Variants in CDH12 observed in about 807,000 individuals in gnomAD.
CDH12 encodes cadherin 12.
Under a neutral mutation model 74.1 loss-of-function variants are expected in CDH12, and 41 were observed. The ratio of observed to expected loss-of-function variants is 0.55; its 90% confidence interval spans 0.43 to 0.72. The LOEUF (loss-of-function observed/expected upper bound fraction) is 0.72, where lower values mean the gene tolerates loss of function less well. Among genes scored for constraint, CDH12 ranks in the 30% least tolerant of loss-of-function variants. The pLI is 0.00. For synonymous variants in CDH12, 399 were observed against 355.0 expected (o/e 1.12, Z -1.39); for missense variants, 945 against 977.2 (o/e 0.97, Z 0.44).
intron 6 of CDH12, among the ~76,000 whole-genome samples, chr5:21,864,829 T>C (rs1404522858): frequency 6.6e-6 from 1 of 152,148 alleles, no homozygotes; most frequent in Non-Finnish European, 1.5e-5. Flanking sequence ...TGATAGTTCT[T>C]AGAGAGTTTT....
chr5:22,809,201 A>G (rs1748988892), intron 1 of CDH12, among the ~76,000 whole-genome samples: 2 of 152,002 alleles, frequency 1.3e-5, no homozygotes, highest in Admixed American at 6.6e-5. Flanking sequence ...TATTTAAGAA[A>G]TTTTAGTTAT....
At chr5:22,546,864 A>G (rs538416286) in intron 1 of CDH12, among the ~76,000 whole-genome samples, 1 of 152,320 alleles carries the variant, frequency 6.6e-6, no homozygotes, top group East Asian at 1.9e-4. Context: ...CAGTATTACA[A>G]AAAGCCAAGC....
At chr5:22,822,060 A>G (rs1405053945) in intron 1 of CDH12, among the ~76,000 whole-genome samples, 2 of 151,992 alleles carry the variant, frequency 1.3e-5, no homozygotes, top group South Asian at 4.2e-4. Context: ...CAGAACAGAG[A>G]CCTCAGAAAT....
intron 5 of CDH12, among the ~76,000 whole-genome samples, chr5:22,059,878 T>G (rs1741064157): frequency 6.6e-6 from 1 of 152,162 alleles, no homozygotes; most frequent in Non-Finnish European, 1.5e-5. Flanking sequence ...AGTACAATTT[T>G]AGAGAGGTTT....
chr5:22,363,376 T>C (rs1740901662), intron 3 of CDH12, among the ~76,000 whole-genome samples: 1 of 152,146 alleles, frequency 6.6e-6, no homozygotes, highest in Non-Finnish European at 1.5e-5. Context: ...AGTTAATCCA[T>C]TGGGAAACAG....
chr5:22,776,514 C>G (rs1174935946), intron 1 of CDH12, among the ~76,000 whole-genome samples: 1 of 152,024 alleles, frequency 6.6e-6, no homozygotes, highest in African/African-American at 2.4e-5. Flanking sequence ...TAATTGCGTA[C>G]ACAGAGCTCT....
At chr5:22,688,265 A>G (rs1056978363) in intron 1 of CDH12, among the ~76,000 whole-genome samples, 1 of 152,186 alleles carries the variant, frequency 6.6e-6, no homozygotes, top group Non-Finnish European at 1.5e-5. Context: ...GGAAAGAAAA[A>G]TTGGGATAAT....
chr5:22,339,985 A>G (rs1229398295), intron 3 of CDH12, among the ~76,000 whole-genome samples: 2 of 152,178 alleles, frequency 1.3e-5, no homozygotes, highest in Non-Finnish European at 2.9e-5. Context: ...GTATATAAGT[A>G]CATTTCTATT....
intron 3 of CDH12, among the ~76,000 whole-genome samples, chr5:22,258,765 T>A (rs1753409079): frequency 6.6e-6 from 1 of 152,106 alleles, no homozygotes; most frequent in African/African-American, 2.4e-5. Flanking sequence ...ATTCAGTAAG[T>A]AACATGCTGT....
Position 21,796,632 on chromosome 5 carries a change from TTAAA to T in CDH12, c.1256+5531_1256+5534del, listed in dbSNP as rs1319866293. On this transcript the variant is annotated intron_variant, in intron 10 of 14. Coordinates refer to ENST00000382254, the MANE Select transcript of CDH12 (RefSeq NM_004061.5). ...TTAATTCTTTTGACATGGATTAAAA[TTAAA>T]TAATCTATTTTTTTAATTTAATAAA... Among the ~76,000 whole-genome samples, 4 of 152,036 alleles carry T rather than the reference TTAAA, an allele frequency of 2.6e-5. No individual in the cohort carries two copies. The East Asian group carries it at 7.7e-4, about 29-fold the overall frequency.
At chr5:22,033,375 T>C in intron 5 of CDH12, among the ~76,000 whole-genome samples, 1 of 152,214 alleles carries the variant, frequency 6.6e-6, no homozygotes, top group East Asian at 1.9e-4. Context: ...TTTTCCATTA[T>C]CTCAACTTTG....
intron 2 of CDH12, among the ~76,000 whole-genome samples, chr5:22,420,732 G>A (rs550754208): frequency 6.6e-6 from 1 of 152,228 alleles, no homozygotes; most frequent in South Asian, 2.1e-4. Context: ...TGTGAAGAAT[G>A]TCAATGGTAG....
intron 1 of CDH12, among the ~76,000 whole-genome samples, chr5:22,541,654 CTG>C (rs1168204674): frequency 6.6e-6 from 1 of 152,194 alleles, no homozygotes; most frequent in African/African-American, 2.4e-5. Context: ...AGGTGACATA[CTG>C]TGTTTGTGCC....
intron 1 of CDH12, among the ~76,000 whole-genome samples, chr5:22,841,495 T>C (rs1315743248): frequency 6.6e-6 from 1 of 152,130 alleles, no homozygotes; most frequent in African/African-American, 2.4e-5. Context: ...TATAGGAGAT[T>C]AGATTTTGGG....
chr5:22,577,591 A>G (rs1739856811), intron 1 of CDH12, among the ~76,000 whole-genome samples: 1 of 152,186 alleles, frequency 6.6e-6, no homozygotes, highest in Non-Finnish European at 1.5e-5. Context: ...AGGAAACTAG[A>G]TAAAGTGTAA....
intron 1 of CDH12, among the ~76,000 whole-genome samples, chr5:22,613,797 T>C (rs1316254747): frequency 6.6e-6 from 1 of 152,098 alleles, no homozygotes; most frequent in Non-Finnish European, 1.5e-5. Context: ...GCTAAATATC[T>C]TCTTTTATTT....
At chr5:21,822,415 T>C (rs187652266) in intron 8 of CDH12, among the ~76,000 whole-genome samples, 133 of 152,138 alleles carry the variant, frequency 8.7e-4, no homozygotes, top group Admixed American at 2.6e-3. Flanking sequence ...TCTTTAAAAT[T>C]GGAGGATTCA....
intron 3 of CDH12, among the ~76,000 whole-genome samples, chr5:22,387,591 G>T (rs188723464): frequency 6.6e-6 from 1 of 152,254 alleles, no homozygotes; most frequent in Non-Finnish European, 1.5e-5. Context: ...ATAGAATATT[G>T]AATATGTAGG....
chr5:22,803,150 A>G lies in CDH12; in HGVS notation c.-523+49908T>C, dbSNP rs148247189. 7.2e-5 allele frequency among the ~76,000 whole-genome samples: 11 copies of G among 152,312 alleles called. No homozygotes were observed. In the East Asian group the frequency reaches 2.1e-3, roughly 29 times the overall value. On this transcript the variant is annotated intron_variant, in intron 1 of 14. Coordinates refer to ENST00000382254, the MANE Select transcript of CDH12 (RefSeq NM_004061.5). ...AAGTCTTTTCTGAACTGAAAACAGT[A>G]TTTTGTGTAAAAAGACTGCGTTTAT...
Sources: allele counts gnomAD v4.1 joint callset (sites outside exome capture counted in the v4.1 genomes callset), GRCh38; gene constraint gnomAD v4.1.1; transcripts MANE v1.5; gene names NCBI Gene and HGNC (gene_info 2026-07-23, HGNC 2026-07-21).